Variants in MYO6 observed in about 807,000 individuals in gnomAD.
MYO6 encodes the protein unconventional myosin-VI.
Under a neutral mutation model 178.7 loss-of-function variants are expected in MYO6, and 74 were observed. The observed-to-expected ratio is 0.41, with a 90% CI of 0.34 to 0.50. MYO6 has a LOEUF of 0.50. MYO6 is among the 20% of genes least tolerant of loss of function. The pLI, the probability that MYO6 is intolerant of heterozygous loss-of-function variation, is 0.09. For missense variants in MYO6, 1,330 were observed against 1,547.4 expected (o/e 0.86, Z 2.36); for synonymous variants, 477 against 504.6 (o/e 0.95, Z 0.73).
Position 75,890,279 on chromosome 6 carries a change from A to C in MYO6, c.2867+14A>C, listed in dbSNP as rs570415633. ...GGAAAGGCGGATGTGAGGCATTTATATTATTTTGAATAAGAGACTTAAAGA... is the reference window on the plus strand; with the variant it reads ...GGAAAGGCGGATGTGAGGCATTTATCTTATTTTGAATAAGAGACTTAAAGA... On this transcript the variant is annotated intron_variant, in intron 26 of 34. Coordinates refer to ENST00000369977, the MANE Select transcript of MYO6 (RefSeq NM_004999.4). 1 of 1,613,466 alleles carries C rather than the reference A, an allele frequency of 6.2e-7. No individual in the cohort carries two copies. The highest frequency in any genetic ancestry group is 2.2e-5 in the East Asian group (1 of 44,854).
chr6:75,903,089 G>T (rs530816039), intron 30 of MYO6, among the ~76,000 whole-genome samples: 1 of 152,206 alleles, frequency 6.6e-6, no homozygotes, highest in African/African-American at 2.4e-5. Flanking sequence ...TGGTCTGAGA[G>T]ATAGTTTGTT....
intron 11 of MYO6, among the ~76,000 whole-genome samples, chr6:75,854,875 C>CA (rs532697067): frequency 4.6e-5 from 7 of 151,384 alleles, no homozygotes; most frequent in Non-Finnish European, 8.9e-5. Flanking sequence ...CTTATAGGGT[C>CA]AAAAAAAATG....
chr6:75,913,863 A>T (rs1318363999), intron 33 of MYO6, among the ~76,000 whole-genome samples, 200 bp from the exon 34 acceptor site: 2 of 152,210 alleles, frequency 1.3e-5, no homozygotes, highest in Non-Finnish European at 1.5e-5. Context: ...GCTAAGAAAC[A>T]TCTTAAGGGA....
At chr6:75,897,079 C>A (rs1368110031) in intron 29 of MYO6, among the ~76,000 whole-genome samples, 1 of 152,156 alleles carries the variant, frequency 6.6e-6, no homozygotes, top group African/African-American at 2.4e-5. Flanking sequence ...CAGAAAAACA[C>A]CTGTGTGATC....
At chr6:75,898,645 A>T (rs951679387) in intron 30 of MYO6, among the ~76,000 whole-genome samples, 1 of 152,190 alleles carries the variant, frequency 6.6e-6, no homozygotes, top group Non-Finnish European at 1.5e-5. Flanking sequence ...TTTGAATGGG[A>T]CAGTTCCCTT....
intron 1 of MYO6, among the ~76,000 whole-genome samples, chr6:75,804,399 A>T (rs1769786493): frequency 6.6e-6 from 1 of 152,288 alleles, no homozygotes; most frequent in East Asian, 1.9e-4. Context: ...TAAAACTTGT[A>T]TGCCAAAGGT....
chr6:75,812,012 CTGTTTTT>C (rs528153199), intron 1 of MYO6, among the ~76,000 whole-genome samples: 70 of 150,886 alleles, frequency 4.6e-4, no homozygotes, highest in Non-Finnish European at 8.0e-4. Context: ...GTTTTTTTTT[CTGTTTTT>C]TGTTTTTTGT....
chr6:75,801,717 G>C (rs1769473064), intron 1 of MYO6, among the ~76,000 whole-genome samples: 1 of 152,080 alleles, frequency 6.6e-6, no homozygotes, highest in Non-Finnish European at 1.5e-5. Context: ...AAGGCGGGTG[G>C]ATCACCTGAG....
chr6:75,763,329 T>C (rs1341130454), intron 1 of MYO6, among the ~76,000 whole-genome samples: 1 of 152,178 alleles, frequency 6.6e-6, no homozygotes, highest in Non-Finnish European at 1.5e-5. Context: ...CGGCATAATT[T>C]TTTTATTATT....
At chr6:75,893,544 C>T (rs1779068771) in intron 28 of MYO6, among the ~76,000 whole-genome samples, 1 of 151,932 alleles carries the variant, frequency 6.6e-6, no homozygotes, top group Admixed American at 6.6e-5. Flanking sequence ...GATCAAACTG[C>T]AATGTAATGG....
At chr6:75,759,071 TGTTGGCCAGGCTGGTCTC>T (rs1219043525) in intron 1 of MYO6, among the ~76,000 whole-genome samples, 6 of 152,002 alleles carry the variant, frequency 3.9e-5, no homozygotes, top group Non-Finnish European at 5.9e-5. Context: ...GGTTTCACCA[TGTTGGCCAGGCTGGTCTC>T]GAACTCCTGA....
At chr6:75,856,726 G>A (rs1016181017) in intron 12 of MYO6, among the ~76,000 whole-genome samples, 1 of 152,054 alleles carries the variant, frequency 6.6e-6, no homozygotes, top group Non-Finnish European at 1.5e-5. Flanking sequence ...CCTAAACAGT[G>A]TAAAGAAGTT....
chr6:75,831,201 G>T (rs1483858326), intron 5 of MYO6, among the ~76,000 whole-genome samples: 1 of 152,126 alleles, frequency 6.6e-6, no homozygotes, highest in Non-Finnish European at 1.5e-5. Context: ...AAATGCGGAG[G>T]TGTTAGCTAA....
At chr6:75,855,400 A>G (rs1775650895) in intron 12 of MYO6, 117 bp downstream of exon 12, 2 of 956,140 alleles carry the variant, frequency 2.1e-6, no homozygotes, top group Non-Finnish European at 3.3e-6. Flanking sequence ...TCTACATCTC[A>G]GTGTAGTAAT....
rs562369873 is a variant in MYO6 at position 75,910,566 on chromosome 6, T to G, written c.3413-1106T>G. Among the ~76,000 whole-genome samples, 3 of 152,282 alleles carry G rather than the reference T, an allele frequency of 2.0e-5. No homozygotes were observed. The South Asian group carries it at 6.2e-4, about 32-fold the overall frequency. ...GCTTCCTAAGGGTTCTATCAAGGTT[T>G]ATGGACAAATTTAGGAATTTATGTG... On this transcript the variant is annotated intron_variant, in intron 32 of 34. Transcript: ENST00000369977.
intron 1 of MYO6, among the ~76,000 whole-genome samples, chr6:75,796,298 C>T (rs190457247): frequency 5.3e-4 from 80 of 152,328 alleles, no homozygotes; most frequent in Non-Finnish European, 2.9e-4. Flanking sequence ...CTGCCTTTAT[C>T]TGTCAGGCTT....
intron 24 of MYO6, 108 bp downstream of exon 24, chr6:75,886,202 G>A: frequency 1.4e-6 from 1 of 717,054 alleles, no homozygotes; most frequent in Non-Finnish European, 2.4e-6. Flanking sequence ...GTTTTCTCAT[G>A]TTCTTTGTAA....
intron 1 of MYO6, among the ~76,000 whole-genome samples, chr6:75,758,189 C>T (rs1192698296): frequency 2.0e-5 from 3 of 151,486 alleles, no homozygotes; most frequent in Non-Finnish European, 4.4e-5. Flanking sequence ...TGTTGGCAAG[C>T]TTCCCTTTTG....
rs1775637080 is a variant in MYO6 at position 75,855,225 on chromosome 6, A to T, written c.1165A>T (p.Ser389Cys). 4.3e-6 allele frequency: 7 copies of T among 1,613,736 alleles called. No homozygotes were observed. Among genetic ancestry groups the T allele is most frequent in the Non-Finnish European group, 5.9e-6 (7 of 1,179,732 alleles). The change falls in exon 12 of 35, where the codon AGT becomes TGT. Residue 389 changes from serine (S) to cysteine (C), a missense_variant. Coordinates refer to ENST00000369977, the MANE Select transcript of MYO6 (RefSeq NM_004999.4). Reference sequence around the variant, plus strand: ...TTTGGACCAAGATGATCTTCGAGTAAGTTTGACCACAAGAGTCATGCTAAC... The same window carrying T: ...TTTGGACCAAGATGATCTTCGAGTATGTTTGACCACAAGAGTCATGCTAAC... Reference protein sequence around the residue: ...LGLDQDDLRVSLTTRVMLTTA... With the variant: ...LGLDQDDLRVCLTTRVMLTTA...
Sources: gnomAD v4.1 joint callset for allele counts (sites outside exome capture counted in the v4.1 genomes callset) on GRCh38, gnomAD v4.1.1 for gene constraint, MANE v1.5 for transcripts, NCBI Gene and HGNC (gene_info 2026-07-23, HGNC 2026-07-21) for gene names.